NHSL2: variants seen among roughly 807,000 people sequenced by gnomAD.
NHSL2 encodes the protein NHS like 2, also known as NHS-like protein 2.
NHSL2 carries 27 observed loss-of-function variants against 53.4 expected under a neutral mutation model. The observed-to-expected ratio is 0.51, with a 90% CI of 0.37 to 0.70. The LOEUF is 0.70. NHSL2 is among the 30% of genes least tolerant of loss of function. The pLI is 0.00. For missense variants in NHSL2, 892 were observed against 980.1 expected, an observed-to-expected ratio of 0.91 and a Z score of 1.20; for synonymous variants, 408 against 404.1, an observed-to-expected ratio of 1.01 and a Z score of -0.12.
At chrX:71,930,575 A>G (rs1423583170) in intron 1 of NHSL2, among the ~76,000 whole-genome samples, 1 of 112,049 alleles carries the variant, frequency 8.9e-6, no homozygotes, top group Non-Finnish European at 1.9e-5. Flanking sequence ...CCTGGTAACC[A>G]CTAATTTACT....
intron 1 of NHSL2, among the ~76,000 whole-genome samples, chrX:72,098,377 G>A (rs1000734570): frequency 7.2e-5 from 8 of 111,725 alleles, no homozygotes; most frequent in African/African-American, 2.6e-4. Flanking sequence ...TCAGGAGACC[G>A]AGACCATCCT....
At chrX:71,938,553 G>T (rs990420992) in intron 1 of NHSL2, among the ~76,000 whole-genome samples, 2 of 112,397 alleles carry the variant, frequency 1.8e-5, no homozygotes, top group Non-Finnish European at 3.8e-5. Context: ...GTGCAGAGTG[G>T]TGAAGGGAGG....
At chrX:72,115,888 T>C (rs1249180707) in intron 1 of NHSL2, among the ~76,000 whole-genome samples, 5 of 111,200 alleles carry the variant, frequency 4.5e-5, no homozygotes, top group Non-Finnish European at 7.6e-5. Context: ...TGGGAACTTG[T>C]TAGAAATGTA....
At chrX:72,140,937 G>A (rs1049053180) in intron 6 of NHSL2, 166 bp downstream of exon 6, 15 of 431,625 alleles carry the variant, frequency 3.5e-5, no homozygotes, top group Non-Finnish European at 5.9e-5. Flanking sequence ...ACCACGGGCT[G>A]GCCTTACTGC....
chrX:72,119,640 T>C (rs1456228279), intron 1 of NHSL2, among the ~76,000 whole-genome samples: 1 of 112,639 alleles, frequency 8.9e-6, no homozygotes, highest in Non-Finnish European at 1.9e-5. Context: ...TTAGTTTTAA[T>C]AGTTTTTTAG....
intron 1 of NHSL2, among the ~76,000 whole-genome samples, chrX:72,048,860 A>G (rs1331033501): frequency 9.1e-6 from 1 of 109,582 alleles, no homozygotes; most frequent in East Asian, 2.9e-4. Context: ...ACAGTGGCTC[A>G]TGCTTGTAAT....
At chrX:72,140,935 C>CAGTAAGGCCAGCCCG in intron 6 of NHSL2, 164 bp downstream of exon 6, 1 of 433,121 alleles carries the variant, frequency 2.3e-6, no homozygotes, top group Non-Finnish European at 4.0e-6. Flanking sequence ...GAACCACGGG[C>CAGTAAGGCCAGCCCG]TGGCCTTACT....
chrX:72,034,119 T>C (rs1264890118), intron 1 of NHSL2, among the ~76,000 whole-genome samples: 2 of 112,215 alleles, frequency 1.8e-5, no homozygotes, highest in Non-Finnish European at 3.8e-5. Context: ...AGAGTTTCTA[T>C]CATGTATGGG....
At chrX:71,938,143 C>T (rs1356623109) in intron 1 of NHSL2, among the ~76,000 whole-genome samples, 2 of 112,186 alleles carry the variant, frequency 1.8e-5, no homozygotes, top group Non-Finnish European at 1.9e-5. Context: ...CCCACTTGCC[C>T]ACTGTGGTAC....
chrX:71,936,789 CAA>C lies in NHSL2; in HGVS notation c.280+25423_280+25424del, dbSNP rs902851683. On this transcript the variant is annotated intron_variant, in intron 1 of 7. Coordinates refer to ENST00000633930, the MANE Select transcript of NHSL2 (RefSeq NM_001013627.3). ...GGAAGGAAAAAGAGGAAAATGAAAACAAGAGGAAAGAATGAGGTTACAGTTTG... is the reference window on the plus strand; with the variant it reads ...GGAAGGAAAAAGAGGAAAATGAAAACGAGGAAAGAATGAGGTTACAGTTTG... Among the ~76,000 whole-genome samples the C allele has an allele frequency of 2.7e-5, 3 of 110,967 alleles. No individual in the cohort carries two copies. The Admixed American group carries it at 2.9e-4, about 11-fold the overall frequency.
intron 1 of NHSL2, among the ~76,000 whole-genome samples, chrX:72,081,941 G>A (rs375241585): frequency 8.9e-6 from 1 of 111,822 alleles, no homozygotes; most frequent in East Asian, 2.8e-4. Context: ...GCAGAGCCGC[G>A]ACCTCGACAG....
chrX:72,018,783 C>T (rs767605902), intron 1 of NHSL2, among the ~76,000 whole-genome samples: 1 of 112,730 alleles, frequency 8.9e-6, no homozygotes, highest in East Asian at 2.8e-4. Flanking sequence ...AGTGCGGCTG[C>T]GGGGCCACCG....
chrX:71,991,037 T>C (rs1361866623), intron 1 of NHSL2, among the ~76,000 whole-genome samples: 1 of 112,354 alleles, frequency 8.9e-6, no homozygotes, highest in Admixed American at 9.4e-5. Flanking sequence ...ACAAGACTCA[T>C]TTTGCCAAAT....
chrX:72,139,817 C>T lies in NHSL2; in HGVS notation c.2269C>T (p.Pro757Ser). Residue 757 changes from proline to serine, a missense_variant, in exon 6 of 8, where the codon CCG becomes TCG. Coordinates refer to ENST00000633930, the MANE Select transcript of NHSL2 (RefSeq NM_001013627.3). ...VVPERKSSLP[P>S]TSPMEKFPKS... ...ACCTGAGAGGAAGTCATCACTACCCCCGACGTCACCAATGGAGAAATTTCC... is the reference window on the plus strand; with the variant it reads ...ACCTGAGAGGAAGTCATCACTACCCTCGACGTCACCAATGGAGAAATTTCC... 1.7e-6 allele frequency: 2 copies of T among 1,210,526 alleles called. No homozygotes were observed. Among genetic ancestry groups the T allele is most frequent in the South Asian group, 3.5e-5 (2 of 56,929 alleles).
chrX:71,989,297 C>G (rs372654815), intron 1 of NHSL2, among the ~76,000 whole-genome samples: 2 of 89,778 alleles, frequency 2.2e-5, no homozygotes, highest in East Asian at 7.0e-4. Context: ...TGCAGTAAGT[C>G]GAGATCGCTC....
rs868748256 is a variant in NHSL2 at position 71,963,998 on chromosome X, T to C, written c.280+52631T>C. On this transcript the variant is annotated intron_variant, in intron 1 of 7. Transcript: ENST00000633930. ...ACATATATATATATATATATGTATA[T>C]ACATATATATATGTATATATATATA... 4.5e-3 allele frequency among the ~76,000 whole-genome samples: 174 copies of C among 38,466 alleles called. 3 individuals are homozygous for C. Among genetic ancestry groups the C allele is most frequent in the East Asian group, 0.022 (15 of 685 alleles). 33.4% of individuals were successfully genotyped at this position (38,466 alleles called of 115,157 possible).
rs759261873 is a variant in NHSL2 at position 72,138,882 on chromosome X, G to A, written c.1334G>A (p.Arg445His). The A allele has an allele frequency of 6.6e-6, 8 of 1,209,069 alleles. 1 individual carries two copies. Among genetic ancestry groups the A allele is most frequent in the Middle Eastern group, 4.6e-4 (2 of 4,369 alleles). The change falls in exon 6 of 8, where the codon CGT becomes CAT. Residue 445 changes from arginine (R) to histidine (H), a missense_variant. By Grantham distance (29) the Arg-to-His change is conservative (BLOSUM62 0). Transcript: ENST00000633930. ...PKEAATLLVA[R>H]DNPAGCSGSA... is the part of the protein sequence containing the mutation. ...GAGGCTGCTACCCTCCTTGTCGCTC[G>A]TGATAACCCAGCAGGATGCAGTGGG...
chrX:71,965,597 T>C (rs2041897469), intron 1 of NHSL2, among the ~76,000 whole-genome samples: 1 of 112,025 alleles, frequency 8.9e-6, no homozygotes, highest in African/African-American at 3.2e-5. Context: ...TCCATGTCTT[T>C]TACCTCTCCA....
intron 1 of NHSL2, chrX:72,131,283 G>A: frequency 8.3e-7 from 1 of 1,200,780 alleles, no homozygotes; most frequent in Non-Finnish European, 1.1e-6. Flanking sequence ...GCCGGCACAA[G>A]AAGGGCAGTT....
Sources: gnomAD v4.1 joint callset for allele counts (sites outside exome capture counted in the v4.1 genomes callset) on GRCh38, gnomAD v4.1.1 for gene constraint, MANE v1.5 for transcripts, NCBI Gene and HGNC (gene_info 2026-07-23, HGNC 2026-07-21) for gene names.